Variants in NELL1 observed in about 807,000 individuals in gnomAD.
The protein encoded by NELL1 is protein kinase C-binding protein NELL1.
NELL1 carries 76 observed loss-of-function variants against 107.4 expected under a neutral mutation model. The observed-to-expected ratio is 0.71, with a 90% CI of 0.59 to 0.86. NELL1 has a LOEUF of 0.86. NELL1 is among the 40% of genes least tolerant of loss of function. NELL1 has a pLI of 0.00. For synonymous variants in NELL1, 353 were observed against 341.2 expected (o/e 1.03, Z -0.38); for missense variants, 1,024 against 1,005.5 (o/e 1.02, Z -0.25).
intron 13 of NELL1, among the ~76,000 whole-genome samples, chr11:21,199,077 G>GA (rs915064088): frequency 1.3e-5 from 2 of 152,066 alleles, no homozygotes; most frequent in African/African-American, 4.8e-5. Flanking sequence ...TCTGGTCTGG[G>GA]AAAAAAATAG....
chr11:20,843,575 A>G (rs981705828), intron 3 of NELL1, among the ~76,000 whole-genome samples: 176 of 147,486 alleles, frequency 1.2e-3, no homozygotes, highest in African/African-American at 4.0e-3. Context: ...TATAAAATAT[A>G]ATATATTTTA....
At chr11:21,240,660 G>A (rs1167566600) in intron 14 of NELL1, among the ~76,000 whole-genome samples, 1 of 149,678 alleles carries the variant, frequency 6.7e-6, no homozygotes, top group African/African-American at 2.5e-5. Context: ...GACTTTTGTG[G>A]CACAAGATAC....
chr11:21,161,458 G>A (rs554625303), intron 13 of NELL1, among the ~76,000 whole-genome samples: 65 of 152,246 alleles, frequency 4.3e-4, no homozygotes, highest in Middle Eastern at 3.4e-3. Context: ...AACTGCTTGA[G>A]CCTGGGAGGA....
intron 15 of NELL1, among the ~76,000 whole-genome samples, chr11:21,421,401 ACT>A (rs1852666056): frequency 6.6e-6 from 1 of 151,964 alleles, no homozygotes; most frequent in African/African-American, 2.4e-5. Flanking sequence ...ACCCACCTCA[ACT>A]CTGTGGCACA....
At chr11:20,745,315 C>A (rs1367485285) in intron 2 of NELL1, among the ~76,000 whole-genome samples, 1 of 152,096 alleles carries the variant, frequency 6.6e-6, no homozygotes, top group Non-Finnish European at 1.5e-5. Context: ...GTATGTATCA[C>A]CACACATGGT....
intron 2 of NELL1, among the ~76,000 whole-genome samples, chr11:20,753,897 CTTTGTTTTGT>C (rs766225997): frequency 6.6e-6 from 1 of 152,126 alleles, no homozygotes; most frequent in Non-Finnish European, 1.5e-5. Flanking sequence ...AAGTTGTTTG[CTTTGTTTTGT>C]TTTGTTTTGT....
At chr11:20,828,418 A>C (rs1344928107) in intron 3 of NELL1, among the ~76,000 whole-genome samples, 2 of 152,228 alleles carry the variant, frequency 1.3e-5, no homozygotes, top group Non-Finnish European at 2.9e-5. Context: ...CTAGAAACCC[A>C]GAAGAGAGTT....
At chr11:21,052,122 G>A (rs994565190) in intron 12 of NELL1, among the ~76,000 whole-genome samples, 1 of 151,960 alleles carries the variant, frequency 6.6e-6, no homozygotes, top group African/African-American at 2.4e-5. Context: ...GTTTCAGGCT[G>A]AAGAAATAGC....
At chr11:21,363,928 C>T (rs539720141) in intron 14 of NELL1, among the ~76,000 whole-genome samples, 1 of 152,270 alleles carries the variant, frequency 6.6e-6, no homozygotes, top group East Asian at 1.9e-4. Context: ...CCATGCCTCT[C>T]CCATCTAATT....
At chr11:21,517,451 T>C (rs6483777) in intron 15 of NELL1, among the ~76,000 whole-genome samples, 20,573 of 152,156 alleles carry the variant, frequency 0.14, 1,520 homozygotes, top group Admixed American at 0.2. Flanking sequence ...ATAATAGCTG[T>C]TCCCCTTGGG....
At chr11:21,570,492 C>G (rs528255572) in intron 17 of NELL1, among the ~76,000 whole-genome samples, 1 of 151,736 alleles carries the variant, frequency 6.6e-6, no homozygotes, top group Non-Finnish European at 1.5e-5. Context: ...CTTAGAAATA[C>G]GATTTTTAAG....
At chr11:21,442,590 A>C (rs1853312836) in intron 15 of NELL1, among the ~76,000 whole-genome samples, 1 of 152,206 alleles carries the variant, frequency 6.6e-6, no homozygotes, top group Admixed American at 6.5e-5. Context: ...TAGTCAATAA[A>C]ATATTCAACA....
chr11:21,283,116 A>G (rs1017818886), intron 14 of NELL1, among the ~76,000 whole-genome samples: 3 of 152,158 alleles, frequency 2.0e-5, no homozygotes, highest in African/African-American at 7.2e-5. Flanking sequence ...CACTAGCACA[A>G]CAGAGTGACT....
intron 13 of NELL1, among the ~76,000 whole-genome samples, chr11:21,171,539 T>C (rs1246073719): frequency 6.6e-6 from 1 of 151,864 alleles, no homozygotes; most frequent in Non-Finnish European, 1.5e-5. Context: ...ATATGGATTT[T>C]CTCTATTTTC....
chr11:21,492,440 T>C (rs1854847279), intron 15 of NELL1, among the ~76,000 whole-genome samples: 1 of 152,030 alleles, frequency 6.6e-6, no homozygotes. Context: ...TAAGGACACA[T>C]GCACACGTAT....
At chr11:20,837,694 A>G (rs1848558343) in intron 3 of NELL1, among the ~76,000 whole-genome samples, 1 of 152,136 alleles carries the variant, frequency 6.6e-6, no homozygotes, top group Non-Finnish European at 1.5e-5. Context: ...GAGTAAATCA[A>G]AGAAACTAGC....
chr11:21,087,105 C>A (rs1854413500), intron 12 of NELL1, among the ~76,000 whole-genome samples: 1 of 152,152 alleles, frequency 6.6e-6, no homozygotes. Context: ...GCCCAAAGTG[C>A]TGGGATTACA....
intron 5 of NELL1, among the ~76,000 whole-genome samples, chr11:20,910,310 T>A (rs1356384460): frequency 1.3e-5 from 2 of 152,068 alleles, no homozygotes; most frequent in Non-Finnish European, 2.9e-5. Context: ...GCTTTACTGA[T>A]CAAAGCAAGT....
intron 10 of NELL1, among the ~76,000 whole-genome samples, chr11:20,941,802 G>T (rs536306646): frequency 6.6e-6 from 1 of 152,260 alleles, no homozygotes; most frequent in Admixed American, 6.5e-5. Context: ...GGTCATGGGC[G>T]TGGATAGAGG....
Sources: allele counts gnomAD v4.1 joint callset (sites outside exome capture counted in the v4.1 genomes callset), GRCh38; gene constraint gnomAD v4.1.1; transcripts MANE v1.5; gene names NCBI Gene and HGNC (gene_info 2026-07-23, HGNC 2026-07-21).